PDE4B: variants seen among roughly 807,000 people sequenced by gnomAD.
The protein encoded by PDE4B is phosphodiesterase 4B.
PDE4B carries 20 observed loss-of-function variants against 82.2 expected under a neutral mutation model. The ratio of observed to expected loss-of-function variants is 0.24; its 90% CI spans 0.17 to 0.35. PDE4B has a LOEUF of 0.35. Ranked by LOEUF, PDE4B falls within the 10% of genes least tolerant of loss-of-function variation. PDE4B has a pLI of 1.00. For synonymous variants in PDE4B, 320 were observed against 318.9 expected (o/e 1.00, Z -0.04); for missense variants, 655 against 907.2 (o/e 0.72, Z 3.57).
chr1:66,029,603 A>G (rs1307294378), intron 3 of PDE4B, among the ~76,000 whole-genome samples: 2 of 152,180 alleles, frequency 1.3e-5, no homozygotes, highest in Non-Finnish European at 2.9e-5. Flanking sequence ...AATAGACAAT[A>G]CCAATATTAA....
chr1:66,369,033 A>G lies in PDE4B; in HGVS notation c.1845+64A>G, dbSNP rs192524276. 4.0e-6 allele frequency: 5 copies of G among 1,251,152 alleles called. No homozygotes were observed. The East Asian group carries it at 7.4e-5, about 19-fold the overall frequency. The allele number at this position is 1,251,152 out of a possible 1,614,324, so 77.5% of individuals were successfully genotyped here. On this transcript the variant is annotated intron_variant, in intron 16 of 16. Coordinates refer to ENST00000341517, the MANE Select transcript of PDE4B (RefSeq NM_002600.4). Reference sequence around the variant, plus strand: ...GCTGATTATAGAGCTGGAGGGTTCTATTTAATTCCGTTTTTCCAATAGAAT... The same window carrying G: ...GCTGATTATAGAGCTGGAGGGTTCTGTTTAATTCCGTTTTTCCAATAGAAT...
At chr1:66,281,662 A>G (rs944522665) in intron 7 of PDE4B, among the ~76,000 whole-genome samples, 23 of 152,226 alleles carry the variant, frequency 1.5e-4, no homozygotes, top group African/African-American at 5.3e-4. Flanking sequence ...GCTTGTTTTC[A>G]GAGGTCTGTC....
intron 7 of PDE4B, among the ~76,000 whole-genome samples, chr1:66,326,693 G>A (rs1483489929): frequency 6.6e-6 from 1 of 152,212 alleles, no homozygotes; most frequent in Non-Finnish European, 1.5e-5. Flanking sequence ...TGGATAGAAA[G>A]TGTGGGTGAC....
chr1:66,179,355 G>A (rs1647011944), intron 3 of PDE4B, among the ~76,000 whole-genome samples: 1 of 152,100 alleles, frequency 6.6e-6, no homozygotes, highest in Non-Finnish European at 1.5e-5. Flanking sequence ...GTCAGTGCAG[G>A]CTGCATATGA....
chr1:65,917,583 A>G (rs1221613154), intron 2 of PDE4B, among the ~76,000 whole-genome samples: 1 of 152,166 alleles, frequency 6.6e-6, no homozygotes, highest in African/African-American at 2.4e-5. Flanking sequence ...ACTCCCAACA[A>G]TCTCAGGACC....
intron 3 of PDE4B, among the ~76,000 whole-genome samples, chr1:66,239,501 A>G (rs1423514597): frequency 6.6e-6 from 1 of 152,222 alleles, no homozygotes; most frequent in Non-Finnish European, 1.5e-5. Context: ...AATTTCAGCC[A>G]TAATTAGAAA....
chr1:65,995,477 C>T (rs761285946), intron 3 of PDE4B, among the ~76,000 whole-genome samples: 7 of 152,116 alleles, frequency 4.6e-5, no homozygotes, highest in African/African-American at 4.8e-5. Context: ...CCCCTTGCTT[C>T]GCCTTTTTGT....
chr1:65,800,912 C>T (rs551472177), intron 1 of PDE4B, among the ~76,000 whole-genome samples: 5 of 152,084 alleles, frequency 3.3e-5, no homozygotes, highest in Admixed American at 2.6e-4. Flanking sequence ...TTTAACTGGA[C>T]GGAAGGTGTG....
At chr1:66,094,027 A>G (rs1260197557) in intron 3 of PDE4B, among the ~76,000 whole-genome samples, 36 of 152,128 alleles carry the variant, frequency 2.4e-4, no homozygotes, top group Admixed American at 2.4e-3. Context: ...GAAATAGACA[A>G]AAACACATAA....
At chr1:66,104,478 G>C (rs1477117691) in intron 3 of PDE4B, among the ~76,000 whole-genome samples, 1 of 141,848 alleles carries the variant, frequency 7.0e-6, no homozygotes, top group Non-Finnish European at 1.5e-5. Context: ...TGGGTCAAAT[G>C]GTATTTCTAG....
chr1:65,953,502 G>T (rs75763404), intron 3 of PDE4B, among the ~76,000 whole-genome samples: 2 of 152,224 alleles, frequency 1.3e-5, no homozygotes, highest in Non-Finnish European at 2.9e-5. Flanking sequence ...AGCCAAAATT[G>T]GAGTTGTGCA....
intron 3 of PDE4B, among the ~76,000 whole-genome samples, chr1:66,034,094 A>G (rs1404882684): frequency 1.3e-5 from 2 of 151,838 alleles, no homozygotes; most frequent in East Asian, 1.9e-4. Flanking sequence ...TGTTTTCCTA[A>G]TCTTCCTCCT....
intron 3 of PDE4B, among the ~76,000 whole-genome samples, chr1:66,073,293 C>T (rs989677266): frequency 5.3e-5 from 8 of 152,120 alleles, no homozygotes; most frequent in Non-Finnish European, 1.2e-4. Flanking sequence ...TGAGGCTTTA[C>T]CACAAACTGT....
intron 3 of PDE4B, among the ~76,000 whole-genome samples, chr1:66,070,757 T>C (rs1466331943): frequency 6.6e-6 from 1 of 152,092 alleles, no homozygotes; most frequent in African/African-American, 2.4e-5. Flanking sequence ...TTCCTTCTTA[T>C]TTATTTTAGT....
intron 3 of PDE4B, among the ~76,000 whole-genome samples, chr1:66,172,220 C>T (rs1421529966): frequency 1.3e-5 from 2 of 152,146 alleles, no homozygotes; most frequent in African/African-American, 4.8e-5. Context: ...TCTGTTCCTG[C>T]ATTAATTCAC....
At chr1:66,343,838 C>G (rs1444941007) in intron 8 of PDE4B, among the ~76,000 whole-genome samples, 1 of 151,434 alleles carries the variant, frequency 6.6e-6, no homozygotes, top group Admixed American at 6.6e-5. Flanking sequence ...CTGGTGGGCA[C>G]AGAACAATAA....
At chr1:66,236,057 A>G (rs1042704072) in intron 3 of PDE4B, among the ~76,000 whole-genome samples, 7 of 152,350 alleles carry the variant, frequency 4.6e-5, no homozygotes, top group Non-Finnish European at 2.9e-5. Flanking sequence ...CGTAAAAAGT[A>G]CAGAGGAAGT....
At chr1:66,257,592 T>C in intron 4 of PDE4B, 55 bp from the exon 5 acceptor site, 1 of 1,422,734 alleles carries the variant, frequency 7.0e-7, no homozygotes, top group Non-Finnish European at 9.9e-7. Context: ...AGCTTATATG[T>C]CACAGTTATA....
chr1:66,199,373 A>G (rs1431772045), intron 3 of PDE4B, among the ~76,000 whole-genome samples: 1 of 151,924 alleles, frequency 6.6e-6, no homozygotes, highest in Non-Finnish European at 1.5e-5. Flanking sequence ...GATGATGAGC[A>G]TTTTTTCATG....
Sources: gnomAD v4.1 joint callset for allele counts (sites outside exome capture counted in the v4.1 genomes callset) on GRCh38, gnomAD v4.1.1 for gene constraint, MANE v1.5 for transcripts, NCBI Gene and HGNC (gene_info 2026-07-23, HGNC 2026-07-21) for gene names.